PTBP3: variants seen among roughly 807,000 people sequenced by gnomAD.
PTBP3 encodes polypyrimidine tract binding protein 3.
In PTBP3, 20 loss-of-function variants were observed where a neutral mutation model predicts 58.7. The ratio of observed to expected loss-of-function variants is 0.34; its 90% CI spans 0.24 to 0.50. The LOEUF (loss-of-function observed/expected upper bound fraction) is 0.50. Ranked by LOEUF, PTBP3 falls within the 20% of genes least tolerant of loss-of-function variation. PTBP3 has a pLI of 0.98. For synonymous variants in PTBP3, 185 were observed against 219.8 expected (o/e 0.84, Z 1.40); for missense variants, 509 against 637.2 (o/e 0.80, Z 2.17).
At chr9:112,369,443 G>T in the PTBP3 span, among the ~76,000 whole-genome samples, 4 of 152,194 alleles carry the variant, frequency 2.6e-5, no homozygotes, top group Non-Finnish European at 4.4e-5. Flanking sequence ...GGAGTCAAAG[G>T]AGATTATTTT....
chr9:112,325,599 T>TTA (rs1554806946), intron 1 of PTBP3, among the ~76,000 whole-genome samples: 14 of 144,492 alleles, frequency 9.7e-5, no homozygotes, highest in Admixed American at 8.9e-4. Flanking sequence ...TCACAGAAAT[T>TTA]AAAAAAAAAA....
chr9:112,265,427 C>G (rs553428654), intron 4 of PTBP3, among the ~76,000 whole-genome samples: 1 of 110,692 alleles, frequency 9.0e-6, no homozygotes, highest in African/African-American at 3.8e-5. Flanking sequence ...CGCTTGAACC[C>G]GGCGGGCGGG....
rs966341007 is a variant in PTBP3 at position 112,225,197 on chromosome 9, A to G, written c.1365-987T>C. 2.0e-5 allele frequency among the ~76,000 whole-genome samples: 3 copies of G among 152,230 alleles called. No individual in the cohort carries two copies. The East Asian group carries it at 5.8e-4, about 29-fold the overall frequency. On this transcript the variant is annotated intron_variant, in intron 12 of 13. Coordinates refer to ENST00000374257, the MANE Select transcript of PTBP3 (RefSeq NM_001163788.4). ...TAGATTCATCTCACAACTGCCAACA[A>G]GGACAGTATAGCAGAACAATCATTA...
Position 112,268,187 on chromosome 9 carries a change from T to G in PTBP3, c.213A>C (p.Leu71Phe). 1 of 1,602,762 alleles carries G rather than the reference T, an allele frequency of 6.2e-7. No homozygotes were observed. Residue 71 changes from leucine (L) to phenylalanine (F), a missense_variant, in exon 4 of 14, where the codon TTA becomes TTC. Leu to Phe is a conservative substitution (Grantham distance 22). Coordinates refer to ENST00000374257, the MANE Select transcript of PTBP3 (RefSeq NM_001163788.4). ...CGGCAGCTTCCTCAGAAGCCATTTC[T>G]AAGAAAGCCTGCAATAAACACAAGA... ...LMLKGKSQAF[L>F]EMASEEAAVT...
At chr9:112,353,997 T>C in the PTBP3 span, among the ~76,000 whole-genome samples, 1 of 152,064 alleles carries the variant, frequency 6.6e-6, no homozygotes, top group Non-Finnish European at 1.5e-5. Context: ...ATATTGTAAT[T>C]GCTATTATAA....
chr9:112,311,173 G>C (rs1829457059), intron 1 of PTBP3, among the ~76,000 whole-genome samples: 1 of 151,860 alleles, frequency 6.6e-6, no homozygotes, highest in Non-Finnish European at 1.5e-5. Flanking sequence ...GGCCAGGGCA[G>C]TTGCAGTTAT....
chr9:112,263,995 T>C (rs1469308143), intron 4 of PTBP3, among the ~76,000 whole-genome samples: 2 of 150,144 alleles, frequency 1.3e-5, no homozygotes, highest in African/African-American at 4.9e-5. Flanking sequence ...AAAAAAAAAG[T>C]GTGTCTGATG....
chr9:112,230,870 T>C (rs1289370690), intron 10 of PTBP3, among the ~76,000 whole-genome samples: 1 of 152,234 alleles, frequency 6.6e-6, no homozygotes, highest in African/African-American at 2.4e-5. Flanking sequence ...TACCACTCTC[T>C]TGCCTTAAAA....
chr9:112,354,749 CTG>C, the PTBP3 span, among the ~76,000 whole-genome samples: 1 of 151,984 alleles, frequency 6.6e-6, no homozygotes, highest in Non-Finnish European at 1.5e-5. Flanking sequence ...ATTTGGGGGC[CTG>C]ATTTTTAAGC....
At position 112,297,911 on chromosome 9, in the gene PTBP3, T is replaced by A. The variant is rs780103620; in HGVS notation, c.-46A>T. 8 of 1,611,640 alleles carry A rather than the reference T, an allele frequency of 5.0e-6. No individual in the cohort carries two copies. Among genetic ancestry groups the A allele is most frequent in the African/African-American group, 1.3e-5 (1 of 74,864 alleles). On this transcript the variant is annotated 5_prime_UTR_variant, in exon 2 of 14. Coordinates refer to ENST00000374257, the MANE Select transcript of PTBP3 (RefSeq NM_001163788.4). ...TGCCAGAAGAAAGAAGCTCATCAGATCCCCGCTGAAAAGCAAAACCAATGT... is the reference window on the plus strand; with the variant it reads ...TGCCAGAAGAAAGAAGCTCATCAGAACCCCGCTGAAAAGCAAAACCAATGT...
At chr9:112,339,290 C>CAAAAAAAAAAAAAA in the PTBP3 span, among the ~76,000 whole-genome samples, 1 of 71,714 alleles carries the variant, frequency 1.4e-5, no homozygotes, top group Non-Finnish European at 2.6e-5. Flanking sequence ...GACTCTGTCT[C>CAAAAAAAAAAAAAA]AAAAAAAAAA....
the PTBP3 span, among the ~76,000 whole-genome samples, chr9:112,355,508 T>G: frequency 6.6e-6 from 1 of 152,234 alleles, no homozygotes; most frequent in African/African-American, 2.4e-5. Context: ...GTTTCAGGGC[T>G]GATATGACAC....
At chr9:112,303,473 C>A (rs1324248715) in intron 1 of PTBP3, among the ~76,000 whole-genome samples, 2 of 152,172 alleles carry the variant, frequency 1.3e-5, no homozygotes, top group South Asian at 4.1e-4. Flanking sequence ...GTGCCTTATA[C>A]TAGATTATAT....
chr9:112,279,434 ATC>A (rs1376765319), intron 2 of PTBP3, among the ~76,000 whole-genome samples: 1 of 152,196 alleles, frequency 6.6e-6, no homozygotes, highest in Non-Finnish European at 1.5e-5. Context: ...AACTAGAAGA[ATC>A]TGTCAGGAAA....
chr9:112,369,279 C>G, the PTBP3 span, among the ~76,000 whole-genome samples: 1 of 152,214 alleles, frequency 6.6e-6, no homozygotes, highest in Admixed American at 6.5e-5. Flanking sequence ...CCACTGACAG[C>G]TTGCACCATG....
At chr9:112,307,236 T>C (rs1030986879) in intron 1 of PTBP3, among the ~76,000 whole-genome samples, 1 of 152,136 alleles carries the variant, frequency 6.6e-6, no homozygotes, top group African/African-American at 2.4e-5. Flanking sequence ...GGGGATCACT[T>C]GAGCTCAGGA....
the PTBP3 span, among the ~76,000 whole-genome samples, chr9:112,348,351 C>G: frequency 6.6e-6 from 1 of 152,212 alleles, no homozygotes; most frequent in South Asian, 2.1e-4. Flanking sequence ...AGCAGCTTCC[C>G]GATTAGATAT....
At chr9:112,349,935 G>A in the PTBP3 span, among the ~76,000 whole-genome samples, 1 of 150,122 alleles carries the variant, frequency 6.7e-6, no homozygotes, top group Non-Finnish European at 1.5e-5. Flanking sequence ...TTGCCTGTTG[G>A]AGAATTGTTT....
intron 1 of PTBP3, among the ~76,000 whole-genome samples, chr9:112,317,965 C>T (rs1446145655): frequency 1.3e-5 from 2 of 151,990 alleles, no homozygotes; most frequent in African/African-American, 4.8e-5. Flanking sequence ...ACAAACAAAT[C>T]CATTATGAAC....
Sources: gnomAD v4.1 joint callset for allele counts (sites outside exome capture counted in the v4.1 genomes callset) on GRCh38, gnomAD v4.1.1 for gene constraint, MANE v1.5 for transcripts, NCBI Gene and HGNC (gene_info 2026-07-23, HGNC 2026-07-21) for gene names.